The following LAPTM4B variants were observed in gnomAD, a reference collection of about 807,000 sequenced individuals.
LAPTM4B encodes the protein lysosomal protein transmembrane 4 beta, also known as lysosomal-associated transmembrane protein 4B.
Under a neutral mutation model 28.5 loss-of-function variants are expected in LAPTM4B, and 26 were observed. The observed-to-expected ratio is 0.91, with a 90% confidence interval of 0.67 to 1.27. The LOEUF is 1.27. LAPTM4B is among the 50% of genes most tolerant of loss of function. The probability of loss-of-function intolerance (pLI) is 0.00; values close to 1 mark genes in which losing one functional copy is unlikely to be tolerated. For missense variants in LAPTM4B, 288 were observed against 285.8 expected, an observed-to-expected ratio of 1.01 and a Z score of -0.06; for synonymous variants, 109 against 106.4, an observed-to-expected ratio of 1.02 and a Z score of -0.15.
At chr8:97,814,045 T>C (rs1033125581) in intron 2 of LAPTM4B, among the ~76,000 whole-genome samples, 1 of 152,224 alleles carries the variant, frequency 6.6e-6, no homozygotes, top group African/African-American at 2.4e-5. Context: ...GTTGTGTACC[T>C]GCCAAGTTGG....
At chr8:97,805,486 A>C in intron 2 of LAPTM4B, 22 bp downstream of exon 2, 1 of 1,308,070 alleles carries the variant, frequency 7.6e-7, no homozygotes, top group Non-Finnish European at 1.1e-6. Flanking sequence ...ATATTTGGGT[A>C]TTTTCAAGGG....
chr8:97,804,966 G>A (rs1816737867), intron 1 of LAPTM4B, among the ~76,000 whole-genome samples: 1 of 152,198 alleles, frequency 6.6e-6, no homozygotes, highest in Non-Finnish European at 1.5e-5. Flanking sequence ...GACAACTTGG[G>A]TTGCTTACCT....
In LAPTM4B at chr8:97,799,403, CAA is replaced by C. The variant is rs1161751604; in HGVS notation, c.100-5948_100-5947del. The stretch of plus-strand genomic sequence containing the variant: ...AGAAATGGGCTGAAGAAACCAGAAA[CAA>C]AGAACTAAAAGCAGATGAGTCGTTT... On this transcript the variant is annotated intron_variant, in intron 1 of 6. Coordinates refer to ENST00000521545, the MANE Select transcript of LAPTM4B (RefSeq NM_018407.6). 2.0e-5 allele frequency among the ~76,000 whole-genome samples: 3 copies of C among 152,262 alleles called. No homozygotes were observed. In the South Asian group the frequency reaches 6.2e-4, roughly 32 times the overall value.
chr8:97,807,723 G>A (rs1443644355), intron 2 of LAPTM4B, among the ~76,000 whole-genome samples: 2 of 151,954 alleles, frequency 1.3e-5, no homozygotes, highest in Non-Finnish European at 2.9e-5. Flanking sequence ...GAGCCCTGAA[G>A]GAGCTCCAAC....
chr8:97,833,933 A>G (rs2129830382), intron 6 of LAPTM4B, among the ~76,000 whole-genome samples: 1 of 152,222 alleles, frequency 6.6e-6, no homozygotes, highest in African/African-American at 2.4e-5. Flanking sequence ...ATGGATAAAT[A>G]TACGTGGTTT....
chr8:97,784,728 A>G (rs1177274057), intron 1 of LAPTM4B, among the ~76,000 whole-genome samples: 1 of 152,084 alleles, frequency 6.6e-6, no homozygotes, highest in African/African-American at 2.4e-5. Context: ...ATGAGCCACC[A>G]CGCCTGGCCA....
At position 97,842,021 on chromosome 8, in the gene LAPTM4B, C is replaced by T. The variant is rs149796302; in HGVS notation, c.604-9376C>T. On this transcript the variant is annotated intron_variant, in intron 6 of 6. Transcript: ENST00000521545. ...CTTCCAAGGTTACAATTAAGGGCAG[C>T]GCTTTTCCTTAGTGCAGGCAAAGGC... 2.4e-3 allele frequency among the ~76,000 whole-genome samples: 362 copies of T among 152,212 alleles called. 1 individual carries two copies. Among genetic ancestry groups the T allele is most frequent in the African/African-American group, 8.0e-3 (334 of 41,524 alleles).
intron 1 of LAPTM4B, among the ~76,000 whole-genome samples, chr8:97,795,571 G>A (rs1171159279): frequency 6.6e-6 from 1 of 152,068 alleles, no homozygotes; most frequent in Non-Finnish European, 1.5e-5. Context: ...GTCTAACACT[G>A]GCTGGGCGTG....
chr8:97,793,947 G>A (rs1816543672), intron 1 of LAPTM4B, among the ~76,000 whole-genome samples: 1 of 152,078 alleles, frequency 6.6e-6, no homozygotes, highest in Admixed American at 6.6e-5. Context: ...AGCTAGGACT[G>A]CAGGCATACA....
chr8:97,825,893 G>C (rs139740936), intron 6 of LAPTM4B, among the ~76,000 whole-genome samples: 3 of 152,324 alleles, frequency 2.0e-5, no homozygotes, highest in African/African-American at 7.2e-5. Context: ...ACATGTAACT[G>C]TGTGGCATGG....
In LAPTM4B at chr8:97,815,418, A is replaced by G. The variant is rs1172956953; in HGVS notation, c.285+17A>G. 1 of 1,511,476 alleles carries G rather than the reference A, an allele frequency of 6.6e-7. No individual in the cohort carries two copies. 93.6% of individuals were successfully genotyped at this position (1,511,476 alleles called of 1,614,324 possible). On this transcript the variant is annotated intron_variant, in intron 3 of 6. Coordinates refer to ENST00000521545, the MANE Select transcript of LAPTM4B (RefSeq NM_018407.6). The stretch of plus-strand genomic sequence containing the variant: ...GCGTACAAGGTAAGCCGCTTGCAGT[A>G]AGATGCTGGCCTTTTCCTTGGTCTC...
intron 1 of LAPTM4B, among the ~76,000 whole-genome samples, chr8:97,801,920 A>C (rs987401579): frequency 3.3e-5 from 5 of 151,824 alleles, no homozygotes; most frequent in Non-Finnish European, 7.4e-5. Context: ...CATCTTTGCC[A>C]TAAATCTTAA....
At chr8:97,836,070 C>G (rs1480123548) in intron 6 of LAPTM4B, among the ~76,000 whole-genome samples, 2 of 152,194 alleles carry the variant, frequency 1.3e-5, no homozygotes, top group African/African-American at 4.8e-5. Flanking sequence ...CATCATCACA[C>G]AGCCCCCTCA....
At chr8:97,792,028 A>G (rs916080540) in intron 1 of LAPTM4B, among the ~76,000 whole-genome samples, 5 of 152,158 alleles carry the variant, frequency 3.3e-5, no homozygotes, top group African/African-American at 9.7e-5. Context: ...CTTCCATAAT[A>G]TATTAAAAAA....
intron 1 of LAPTM4B, among the ~76,000 whole-genome samples, chr8:97,782,261 C>T (rs1050215391): frequency 2.1e-5 from 3 of 140,786 alleles, no homozygotes; most frequent in Non-Finnish European, 4.6e-5. Context: ...GATTACAGGC[C>T]TGAGCCACCA....
chr8:97,832,246 C>G (rs916509784), intron 6 of LAPTM4B, among the ~76,000 whole-genome samples: 4 of 152,126 alleles, frequency 2.6e-5, no homozygotes, highest in African/African-American at 9.7e-5. Flanking sequence ...ATCAAAATAG[C>G]TACACTTTTC....
chr8:97,793,866 G>A (rs150122635), intron 1 of LAPTM4B, among the ~76,000 whole-genome samples: 329 of 152,318 alleles, frequency 2.2e-3, no homozygotes, highest in African/African-American at 7.3e-3. Flanking sequence ...GGGAGCAGTG[G>A]CACCATCATA....
intron 1 of LAPTM4B, among the ~76,000 whole-genome samples, chr8:97,787,947 C>T (rs760184591): frequency 6.6e-5 from 10 of 152,166 alleles, no homozygotes; most frequent in Admixed American, 5.2e-4. Context: ...GATTCTCCTG[C>T]GCCAGCCTCC....
At chr8:97,805,324 C>CTTTTTT (rs386413439) in intron 1 of LAPTM4B, 29 bp from the exon 2 acceptor site, 207 of 843,514 alleles carry the variant, frequency 2.5e-4, no homozygotes, top group South Asian at 7.2e-4. Flanking sequence ...TACTTAAATT[C>CTTTTTT]TTTTTTTTTT....
Sources: allele counts gnomAD v4.1 joint callset (sites outside exome capture counted in the v4.1 genomes callset), GRCh38; gene constraint gnomAD v4.1.1; transcripts MANE v1.5; gene names NCBI Gene and HGNC (gene_info 2026-07-23, HGNC 2026-07-21).